The following CABLES1 variants were observed in gnomAD, a reference collection of about 807,000 sequenced individuals.
CABLES1 encodes CDK5 and ABL1 enzyme substrate 1.
In CABLES1, 36 loss-of-function variants were observed where a neutral mutation model predicts 57.8. The ratio of observed to expected loss-of-function variants is 0.62; its 90% CI spans 0.48 to 0.82. The LOEUF is 0.82. Ranked by LOEUF, CABLES1 falls within the 40% of genes least tolerant of loss-of-function variation. CABLES1 has a pLI of 0.00. For missense variants in CABLES1, 767 were observed against 836.6 expected, an observed-to-expected ratio of 0.92 and a Z score of 1.03; for synonymous variants, 374 against 363.0, an observed-to-expected ratio of 1.03 and a Z score of -0.35.
intron 4 of CABLES1, chr18:23,214,315 T>C (rs1401738302): frequency 2.7e-6 from 1 of 366,252 alleles, no homozygotes; most frequent in Non-Finnish European, 4.9e-6. Flanking sequence ...CAATACTTGC[T>C]TTAGCAAGAA....
intron 1 of CABLES1, among the ~76,000 whole-genome samples, chr18:23,170,300 C>A (rs745953838): frequency 6.6e-6 from 1 of 152,154 alleles, no homozygotes; most frequent in East Asian, 1.9e-4. Flanking sequence ...GTAACAAGGG[C>A]CTGCCTGTTT....
chr18:23,175,588 C>T (rs184487271), intron 1 of CABLES1, among the ~76,000 whole-genome samples: 1 of 152,314 alleles, frequency 6.6e-6, no homozygotes, highest in Admixed American at 6.5e-5. Flanking sequence ...AAGTGATCCT[C>T]CTGCATGCGC....
At chr18:23,202,982 A>G (rs1052314624) in intron 3 of CABLES1, among the ~76,000 whole-genome samples, 1 of 139,580 alleles carries the variant, frequency 7.2e-6, no homozygotes, top group Non-Finnish European at 1.5e-5. Flanking sequence ...GCAAGACTCC[A>G]TCAAAAAAAA....
chr18:23,189,085 A>G (rs45464097), intron 2 of CABLES1, 176 bp downstream of exon 2: 64,080 of 549,870 alleles, frequency 0.12, 5,858 homozygotes, highest in Admixed American at 0.29. Context: ...ACTAGAACTA[A>G]ACAACGTTAA....
chr18:23,196,330 C>CGG (rs889686385), intron 3 of CABLES1, among the ~76,000 whole-genome samples: 6 of 152,146 alleles, frequency 3.9e-5, no homozygotes, highest in African/African-American at 1.4e-4. Context: ...GAGGCCACGG[C>CGG]GGGTCGTATG....
intron 4 of CABLES1, among the ~76,000 whole-genome samples, chr18:23,217,386 A>T (rs1051894570): frequency 6.6e-6 from 1 of 152,302 alleles, no homozygotes; most frequent in East Asian, 1.9e-4. Flanking sequence ...CCCAGCTAGA[A>T]GAGGATTTTT....
At chr18:23,192,499 GGAGGTGGGAGGAAGGAGCCAGAGTCTGCT>G (rs2047251464) in intron 2 of CABLES1, among the ~76,000 whole-genome samples, 1 of 152,194 alleles carries the variant, frequency 6.6e-6, no homozygotes, top group East Asian at 1.9e-4. Flanking sequence ...CCTGCAGCTG[GGAGGTGGGAGGAAGGAGCCAGAGTCTGCT>G]GAGGTGGCAG....
intron 1 of CABLES1, among the ~76,000 whole-genome samples, chr18:23,185,701 CT>C (rs1394261780): frequency 6.6e-6 from 1 of 152,186 alleles, no homozygotes; most frequent in Non-Finnish European, 1.5e-5. Flanking sequence ...CATCAATTGC[CT>C]ATTTACTGGT....
chr18:23,256,837 G>A (rs889326521), intron 9 of CABLES1, among the ~76,000 whole-genome samples: 4 of 152,226 alleles, frequency 2.6e-5, no homozygotes, highest in African/African-American at 9.6e-5. Flanking sequence ...CACAGGTAGA[G>A]TTTGAGTCCC....
At chr18:23,209,030 TG>T (rs1352685875) in intron 3 of CABLES1, among the ~76,000 whole-genome samples, 2 of 152,236 alleles carry the variant, frequency 1.3e-5, no homozygotes, top group African/African-American at 4.8e-5. Context: ...TGATAACATC[TG>T]CAAAGACACT....
chr18:23,214,773 G>A (rs928687071), intron 4 of CABLES1: 1 of 152,356 alleles, frequency 6.6e-6, no homozygotes, highest in East Asian at 1.9e-4. Context: ...ATCATGGGAT[G>A]TTGGCTGTGG....
intron 1 of CABLES1, among the ~76,000 whole-genome samples, chr18:23,166,894 G>A (rs1029036045): frequency 6.6e-5 from 10 of 152,196 alleles, no homozygotes; most frequent in Admixed American, 2.6e-4. Flanking sequence ...CTCATCAGAA[G>A]TTGGGGTGTC....
chr18:23,136,814 G>A lies in CABLES1; in HGVS notation c.845+207G>A, dbSNP rs1453680364. Among the ~76,000 whole-genome samples the A allele has an allele frequency of 2.6e-5, 4 of 152,256 alleles. No homozygotes were observed. The East Asian group carries it at 7.7e-4, about 29-fold the overall frequency. On this transcript the variant is annotated intron_variant, in intron 1 of 9. Transcript: ENST00000256925. ...AGTGCGGGGTTACACGTGTTTGCAC[G>A]AGCCCAGCATTCGCAGAGGAGCACC...
chr18:23,174,754 G>A lies in CABLES1; in HGVS notation c.846-14084G>A, dbSNP rs528288402. 1.5e-4 allele frequency among the ~76,000 whole-genome samples: 22 copies of A among 147,886 alleles called. No homozygotes were observed. In the Middle Eastern group the frequency reaches 0.01, roughly 70 times the overall value. ...CCCAAAGTGCTGGGATTACAGGTGT[G>A]AGCCCACCGCGCCCGGCCTGTGTTT... On this transcript the variant is annotated intron_variant, in intron 1 of 9. Coordinates refer to ENST00000256925, the MANE Select transcript of CABLES1 (RefSeq NM_001100619.3).
At chr18:23,199,821 T>C (rs1290726637) in intron 3 of CABLES1, among the ~76,000 whole-genome samples, 1 of 152,252 alleles carries the variant, frequency 6.6e-6, no homozygotes, top group Non-Finnish European at 1.5e-5. Context: ...ACTGATTAGA[T>C]GGCATTTTAT....
intron 7 of CABLES1, among the ~76,000 whole-genome samples, chr18:23,239,082 T>A (rs187457369): frequency 4.6e-5 from 7 of 152,340 alleles, no homozygotes; most frequent in Admixed American, 2.6e-4. Flanking sequence ...TTTTATCTGA[T>A]CTTTTTTTTC....
rs2145025400 is a variant in CABLES1, at chr18:23,194,457, T to C, written c.927T>C (p.Thr309=). The C allele has an allele frequency of 6.2e-7, 1 of 1,608,684 alleles. No homozygotes were observed. Residue 309 remains threonine, a synonymous_variant, in exon 3 of 10, where the codon ACT becomes ACC. Coordinates refer to ENST00000256925, the MANE Select transcript of CABLES1 (RefSeq NM_001100619.3). Reference sequence around the variant, plus strand: ...TGACTTTATTTTTCAGATGTCGAACTCTCTCAGGTTCACCCAGACCAAAGA... The same window carrying C: ...TGACTTTATTTTTCAGATGTCGAACCCTCTCAGGTTCACCCAGACCAAAGA... ...EENAPLRRCR[T]LSGSPRPKNF...
chr18:23,159,361 A>C (rs2046987202), intron 1 of CABLES1, among the ~76,000 whole-genome samples: 1 of 152,208 alleles, frequency 6.6e-6, no homozygotes, highest in Non-Finnish European at 1.5e-5. Context: ...AGTTCCTATG[A>C]GTATTTGCCC....
chr18:23,251,949 G>T (rs2048048392), intron 7 of CABLES1, among the ~76,000 whole-genome samples: 1 of 152,064 alleles, frequency 6.6e-6, no homozygotes, highest in South Asian at 2.1e-4. Flanking sequence ...AGCTGGGTGT[G>T]ATGGTGGGCG....
Sources: gnomAD v4.1 joint callset for allele counts (sites outside exome capture counted in the v4.1 genomes callset) on GRCh38, gnomAD v4.1.1 for gene constraint, MANE v1.5 for transcripts, NCBI Gene and HGNC (gene_info 2026-07-23, HGNC 2026-07-21) for gene names.